Variants in RUNX2 observed in about 807,000 individuals in gnomAD.
The protein encoded by RUNX2 is RUNX family transcription factor 2.
In RUNX2, 10 loss-of-function variants were observed where a neutral mutation model predicts 51.7. That is an observed-to-expected ratio of 0.19 (90% CI 0.12 to 0.33). The LOEUF (loss-of-function observed/expected upper bound fraction) is 0.33. Ranked by LOEUF, RUNX2 falls within the 10% of genes least tolerant of loss-of-function variation. RUNX2 has a pLI of 1.00. For missense variants in RUNX2, 562 were observed against 691.3 expected (o/e 0.81, Z 2.10); for synonymous variants, 276 against 273.6 (o/e 1.01, Z -0.09).
chr6:45,363,798 G>A (rs1210210147), intron 2 of RUNX2, among the ~76,000 whole-genome samples: 1 of 151,826 alleles, frequency 6.6e-6, no homozygotes, highest in Non-Finnish European at 1.5e-5. Flanking sequence ...CATCTGAAAG[G>A]TGTAATCAAT....
At chr6:45,471,071 C>G (rs1799784925) in intron 5 of RUNX2, among the ~76,000 whole-genome samples, 1 of 152,106 alleles carries the variant, frequency 6.6e-6, no homozygotes. Context: ...TGATAGAAAG[C>G]CAACCCAGGA....
intron 2 of RUNX2, among the ~76,000 whole-genome samples, chr6:45,338,713 A>G (rs1054872769): frequency 6.6e-6 from 1 of 152,140 alleles, no homozygotes; most frequent in African/African-American, 2.4e-5. Context: ...TCGTTTTGTC[A>G]TCAATTTTTT....
In RUNX2 at chr6:45,422,981, C is replaced by T. The variant is rs1299328847; in HGVS notation, c.423+24C>T. 4.4e-6 allele frequency: 7 copies of T among 1,604,270 alleles called. No homozygotes were observed. In the Admixed American group the frequency reaches 6.7e-5, roughly 15 times the overall value. Reference sequence around the variant, plus strand: ...AGGTAAGAGGCTACACCGCCCCCCGCCCCCGGCCGGGAGCGGCGGAACCTG... The same window carrying T: ...AGGTAAGAGGCTACACCGCCCCCCGTCCCCGGCCGGGAGCGGCGGAACCTG... On this transcript the variant is annotated intron_variant, in intron 3 of 8. Coordinates refer to ENST00000647337, the MANE Select transcript of RUNX2 (RefSeq NM_001024630.4).
intron 5 of RUNX2, among the ~76,000 whole-genome samples, chr6:45,478,003 C>T (rs551433504): frequency 1.5e-4 from 23 of 152,252 alleles, no homozygotes; most frequent in African/African-American, 5.3e-4. Flanking sequence ...TTTCTCATCT[C>T]GGTGTCTTTG....
At chr6:45,394,862 C>T (rs1797548940) in intron 2 of RUNX2, among the ~76,000 whole-genome samples, 1 of 152,148 alleles carries the variant, frequency 6.6e-6, no homozygotes, top group South Asian at 2.1e-4. Context: ...GATTGCTTTC[C>T]CCTCTTTCCA....
At chr6:45,503,991 T>A (rs1355403688) in intron 6 of RUNX2, among the ~76,000 whole-genome samples, 1 of 152,210 alleles carries the variant, frequency 6.6e-6, no homozygotes, top group Non-Finnish European at 1.5e-5. Context: ...TCATGCCTGG[T>A]GTACCCTACA....
intron 2 of RUNX2, among the ~76,000 whole-genome samples, chr6:45,362,214 T>C (rs886672458): frequency 3.9e-5 from 6 of 152,216 alleles, no homozygotes; most frequent in Admixed American, 3.3e-4. Flanking sequence ...ACTATTTCAT[T>C]TGTGCTTGAC....
intron 2 of RUNX2, among the ~76,000 whole-genome samples, chr6:45,336,098 T>G (rs529078835): frequency 6.6e-6 from 1 of 151,384 alleles, no homozygotes; most frequent in African/African-American, 2.4e-5. Context: ...TAAACTCCAG[T>G]GTCCACCCAG....
intron 2 of RUNX2, among the ~76,000 whole-genome samples, chr6:45,356,055 G>T (rs973670340): frequency 3.9e-5 from 6 of 152,110 alleles, no homozygotes; most frequent in Admixed American, 6.5e-5. Context: ...CCTATGAAAG[G>T]TAAGAAGAAA....
chr6:45,391,671 G>A (rs1338532694), intron 2 of RUNX2, among the ~76,000 whole-genome samples: 1 of 152,142 alleles, frequency 6.6e-6, no homozygotes, highest in South Asian at 2.1e-4. Context: ...GGTGGAAAGC[G>A]AAGGTGAAGC....
intron 2 of RUNX2, among the ~76,000 whole-genome samples, chr6:45,348,674 C>CAAAAAA (rs574845659): frequency 1.3e-5 from 1 of 76,028 alleles, no homozygotes; most frequent in African/African-American, 6.1e-5. Flanking sequence ...AACTCCAACT[C>CAAAAAA]AAAAAAAAAA....
intron 5 of RUNX2, among the ~76,000 whole-genome samples, chr6:45,487,822 G>A (rs533945585): frequency 6.6e-5 from 10 of 152,284 alleles, no homozygotes; most frequent in Admixed American, 5.2e-4. Context: ...TCATTCTCAT[G>A]AGACTTACAG....
chr6:45,529,730 GA>G (rs1801784954), intron 7 of RUNX2, among the ~76,000 whole-genome samples: 1 of 151,952 alleles, frequency 6.6e-6, no homozygotes, highest in African/African-American at 2.4e-5. Flanking sequence ...ACAGCCCCTG[GA>G]AAAAAACAGT....
rs369627478 is a variant in RUNX2 at position 45,328,334 on chromosome 6, G to A, written c.-193G>A. On this transcript the variant is annotated 5_prime_UTR_variant, in exon 1 of 9. Coordinates refer to ENST00000647337, the MANE Select transcript of RUNX2 (RefSeq NM_001024630.4). ...TTTGGATTGTGTGAATGCTTCATTC[G>A]CCTCACAAACAACCACAGAACCACA... The A allele has an allele frequency of 3.3e-5, 45 of 1,370,962 alleles. No homozygotes were observed. Among genetic ancestry groups the A allele is most frequent in the Admixed American group, 2.7e-4 (14 of 52,344 alleles). The allele number at this position is 1,370,962 out of a possible 1,614,324, so 84.9% of individuals were successfully genotyped here.
Position 45,337,260 on chromosome 6 carries a change from ACTTT to A in RUNX2, c.58+8481_58+8484del, listed in dbSNP as rs553345525. Among the ~76,000 whole-genome samples the A allele has an allele frequency of 9.3e-4, 141 of 151,886 alleles. No individual in the cohort carries two copies. In the Middle Eastern group the frequency reaches 0.01, roughly 11 times the overall value. On this transcript the variant is annotated intron_variant, in intron 2 of 8. Coordinates refer to ENST00000647337, the MANE Select transcript of RUNX2 (RefSeq NM_001024630.4). ...CTATTTTGCAATTATAATGTGTGATACTTTCTTTAACCATAAGACTGTCATTTAT... is the reference window on the plus strand; with the variant it reads ...CTATTTTGCAATTATAATGTGTGATACTTTAACCATAAGACTGTCATTTAT...
intron 6 of RUNX2, among the ~76,000 whole-genome samples, chr6:45,511,524 T>C (rs1801146759): frequency 6.6e-6 from 1 of 152,250 alleles, no homozygotes. Context: ...TAGTTGACTT[T>C]GAAATTAAAT....
At chr6:45,468,463 T>C (rs1425218737) in intron 5 of RUNX2, among the ~76,000 whole-genome samples, 1 of 152,204 alleles carries the variant, frequency 6.6e-6, no homozygotes, top group Non-Finnish European at 1.5e-5. Flanking sequence ...TCAAGATTGA[T>C]GCAGGTGCAT....
chr6:45,535,622 A>G (rs569601350), intron 7 of RUNX2, among the ~76,000 whole-genome samples: 3 of 151,946 alleles, frequency 2.0e-5, no homozygotes, highest in East Asian at 1.9e-4. Flanking sequence ...AAAAAGAAAG[A>G]AAAAGAAAGA....
At chr6:45,501,073 G>A (rs763258119) in intron 6 of RUNX2, among the ~76,000 whole-genome samples, 4 of 152,160 alleles carry the variant, frequency 2.6e-5, no homozygotes, top group Admixed American at 2.0e-4. Context: ...GTAGATGGGC[G>A]CTCTTAGCCA....
Sources: allele counts gnomAD v4.1 joint callset (sites outside exome capture counted in the v4.1 genomes callset), GRCh38; gene constraint gnomAD v4.1.1; transcripts MANE v1.5; gene names NCBI Gene and HGNC (gene_info 2026-07-23, HGNC 2026-07-21).